The following DTD1 variants were observed in gnomAD, a reference collection of about 807,000 sequenced individuals.
DTD1 encodes the protein D-tyrosyl-tRNA deacylase 1 homolog.
DTD1 carries 13 observed loss-of-function variants against 25.6 expected under a neutral mutation model. The ratio of observed to expected loss-of-function variants is 0.51; its 90% CI spans 0.33 to 0.81. DTD1 has a LOEUF of 0.81. DTD1 is among the 30% of genes least tolerant of loss of function. The pLI is 0.02. For synonymous variants in DTD1, 110 were observed against 103.6 expected, an observed-to-expected ratio of 1.06 and a Z score of -0.37; for missense variants, 193 against 266.4, an observed-to-expected ratio of 0.72 and a Z score of 1.92.
At chr20:18,728,943 A>G (rs1255520534) in intron 4 of DTD1, among the ~76,000 whole-genome samples, 1 of 152,238 alleles carries the variant, frequency 6.6e-6, no homozygotes, top group African/African-American at 2.4e-5. Flanking sequence ...GAAGCTAATG[A>G]CAAAGATACC....
chr20:18,701,582 C>A (rs1228005525), intron 4 of DTD1, among the ~76,000 whole-genome samples: 4 of 152,172 alleles, frequency 2.6e-5, no homozygotes, highest in Non-Finnish European at 2.9e-5. Context: ...GCCCTTGGTT[C>A]TATTGCACTA....
rs550883531 is a variant in DTD1, at chr20:18,632,691, C to T, written c.477+4458C>T. ...AAATGGTTCTTTTGGCAAATTTCAA[C>T]GTTATAGAAAAATGATTCTTTTAGC... On this transcript the variant is annotated intron_variant, in intron 4 of 5. Coordinates refer to ENST00000377452, the MANE Select transcript of DTD1 (RefSeq NM_080820.6). 12 of 970,402 alleles carry T rather than the reference C, an allele frequency of 1.2e-5. No homozygotes were observed. The South Asian group carries it at 1.4e-4, about 12-fold the overall frequency. The allele number at this position is 970,402 out of a possible 1,614,324, so 60.1% of individuals were successfully genotyped here.
chr20:18,619,585 TG>T (rs1286697649), intron 3 of DTD1, among the ~76,000 whole-genome samples: 2 of 151,966 alleles, frequency 1.3e-5, no homozygotes, highest in African/African-American at 4.8e-5. Flanking sequence ...CCGCCACGCC[TG>T]GCTAATTCTT....
intron 4 of DTD1, among the ~76,000 whole-genome samples, chr20:18,703,389 G>C (rs1294288563): frequency 1.3e-5 from 2 of 151,976 alleles, no homozygotes; most frequent in Non-Finnish European, 2.9e-5. Context: ...GGTAATCTAG[G>C]TTTCTTAAAT....
intron 4 of DTD1, among the ~76,000 whole-genome samples, chr20:18,665,309 A>T (rs1349105230): frequency 6.6e-6 from 1 of 152,196 alleles, no homozygotes; most frequent in Non-Finnish European, 1.5e-5. Flanking sequence ...GGCATCTCCA[A>T]CAGCAGCTCT....
rs1568677012 is a variant in DTD1 at position 18,708,298 on chromosome 20, A to ATATATATTATATATATATTT, written c.478-35795_478-35794insTATATATATATTTTATATAT. Reference sequence around the variant, plus strand: ...ATATAATATATATTATATATATATAATATATATATTTTATATATATATTAT... The same window carrying ATATATATTATATATATATTT: ...ATATAATATATATTATATATATATAATATATATTATATATATATTTTATATATATTTTATATATATATTAT... On this transcript the variant is annotated intron_variant, in intron 4 of 5. Coordinates refer to ENST00000377452, the MANE Select transcript of DTD1 (RefSeq NM_080820.6). 2.2e-3 allele frequency among the ~76,000 whole-genome samples: 97 copies of ATATATATTATATATATATTT among 43,186 alleles called. 5 individuals are homozygous for ATATATATTATATATATATTT. Among genetic ancestry groups the ATATATATTATATATATATTT allele is most frequent in the African/African-American group, 8.6e-3 (93 of 10,782 alleles). 28.3% of individuals were successfully genotyped at this position (43,186 alleles called of 152,430 possible).
intron 4 of DTD1, among the ~76,000 whole-genome samples, chr20:18,675,880 A>AAATATACCTATGTGTATG (rs2060971354): frequency 2.6e-3 from 7 of 2,690 alleles, no homozygotes; most frequent in South Asian, 0.01. Flanking sequence ...CTATGTGTGT[A>AAATATACCTATGTGTATG]TTTACGAAAT....
chr20:18,614,706 G>A (rs1299626096), intron 3 of DTD1, among the ~76,000 whole-genome samples: 3 of 152,148 alleles, frequency 2.0e-5, no homozygotes, highest in Admixed American at 6.6e-5. Flanking sequence ...GAAGCTGCAG[G>A]CTGTAGTATC....
At chr20:18,757,915 T>G (rs958729030) in intron 5 of DTD1, among the ~76,000 whole-genome samples, 51 of 152,318 alleles carry the variant, frequency 3.3e-4, no homozygotes, top group Non-Finnish European at 5.4e-4. Context: ...CTTTTTTTGG[T>G]TGGTAAGCTA....
At chr20:18,759,376 T>G (rs2061352198) in intron 5 of DTD1, among the ~76,000 whole-genome samples, 1 of 152,162 alleles carries the variant, frequency 6.6e-6, no homozygotes. Flanking sequence ...GGCTGGTACC[T>G]TTGTTCCTTT....
chr20:18,711,874 T>A (rs1394637669), intron 4 of DTD1, among the ~76,000 whole-genome samples: 1 of 147,858 alleles, frequency 6.8e-6, no homozygotes, highest in African/African-American at 2.5e-5. Context: ...TGAAACCCTG[T>A]CTCTACTAAA....
At chr20:18,753,630 A>C (rs1476549703) in intron 5 of DTD1, among the ~76,000 whole-genome samples, 2 of 148,414 alleles carry the variant, frequency 1.3e-5, no homozygotes, top group Non-Finnish European at 3.0e-5. Context: ...AAAGACGTTG[A>C]TATATAAATA....
rs981089738 is a variant in DTD1 at position 18,668,795 on chromosome 20, C to T, written c.477+40562C>T. Among the ~76,000 whole-genome samples the T allele has an allele frequency of 2.0e-4, 31 of 152,206 alleles. 1 individual carries two copies. The highest frequency in any genetic ancestry group is 1.5e-5 in the Non-Finnish European group (1 of 68,032). On this transcript the variant is annotated intron_variant, in intron 4 of 5. Transcript: ENST00000377452. Reference sequence around the variant, plus strand: ...TGAGGAAACTAAATAGCTTAACTTGCCCTTTTCCAGATTTTTCTGCCTCTC... The same window carrying T: ...TGAGGAAACTAAATAGCTTAACTTGTCCTTTTCCAGATTTTTCTGCCTCTC...
At chr20:18,726,184 G>A (rs988799825) in intron 4 of DTD1, among the ~76,000 whole-genome samples, 1 of 152,196 alleles carries the variant, frequency 6.6e-6, no homozygotes, top group Admixed American at 6.5e-5. Flanking sequence ...TAGTCATTCT[G>A]TGAATCATTG....
chr20:18,700,197 C>A (rs1415077006), intron 4 of DTD1, among the ~76,000 whole-genome samples: 1 of 152,174 alleles, frequency 6.6e-6, no homozygotes, highest in Non-Finnish European at 1.5e-5. Context: ...TGTCTCATGA[C>A]TACTGATGCT....
At chr20:18,629,082 C>T (rs1049177710) in intron 4 of DTD1, among the ~76,000 whole-genome samples, 2 of 150,702 alleles carry the variant, frequency 1.3e-5, no homozygotes, top group African/African-American at 4.9e-5. Flanking sequence ...CCGCAACCTC[C>T]GCCTCCTGGG....
chr20:18,632,053 G>A (rs1470541028), intron 4 of DTD1: 18 of 856,912 alleles, frequency 2.1e-5, no homozygotes, highest in East Asian at 1.2e-4. Flanking sequence ...AATAAAGGAC[G>A]GTAACTGTGT....
chr20:18,606,847 T>C (rs1230818320), intron 3 of DTD1, among the ~76,000 whole-genome samples: 44 of 148,106 alleles, frequency 3.0e-4, no homozygotes, highest in African/African-American at 8.5e-4. Context: ...TTAGTGGGTG[T>C]AGCGCACCAG....
At chr20:18,699,185 G>A (rs1318981872) in intron 4 of DTD1, among the ~76,000 whole-genome samples, 1 of 152,196 alleles carries the variant, frequency 6.6e-6, no homozygotes, top group East Asian at 1.9e-4. Flanking sequence ...ATGTGAAAAA[G>A]CTTTAGTCTC....
Sources: allele counts gnomAD v4.1 joint callset (sites outside exome capture counted in the v4.1 genomes callset), GRCh38; gene constraint gnomAD v4.1.1; transcripts MANE v1.5; gene names NCBI Gene and HGNC (gene_info 2026-07-23, HGNC 2026-07-21).